ERCC6: variants seen among roughly 807,000 people sequenced by gnomAD.
ERCC6 encodes the protein DNA excision repair protein ERCC-6.
In ERCC6, 116 loss-of-function variants were observed where a neutral mutation model predicts 158.7. The ratio of observed to expected loss-of-function variants is 0.73; its 90% CI spans 0.63 to 0.85. The LOEUF is 0.85. Among genes scored for constraint, ERCC6 ranks in the 40% least tolerant of loss-of-function variants. The probability of loss-of-function intolerance (pLI) is 0.00; values close to 1 mark genes in which losing one functional copy is unlikely to be tolerated. For synonymous variants in ERCC6, 678 were observed against 659.3 expected, an observed-to-expected ratio of 1.03 and a Z score of -0.43; for missense variants, 1,698 against 1,799.4, an observed-to-expected ratio of 0.94 and a Z score of 1.02.
At chr10:49,538,769 G>C (rs1023676879) in intron 1 of ERCC6, among the ~76,000 whole-genome samples, 193 bp downstream of exon 1, 1 of 152,234 alleles carries the variant, frequency 6.6e-6, no homozygotes, top group African/African-American at 2.4e-5. Flanking sequence ...AGCGCTCCTT[G>C]GCGCTACTTC....
intron 1 of ERCC6, among the ~76,000 whole-genome samples, chr10:49,534,717 T>A (rs1011167338): frequency 6.6e-6 from 1 of 152,222 alleles, no homozygotes; most frequent in Non-Finnish European, 1.5e-5. Flanking sequence ...AATAAATATA[T>A]TAAAAAGCAA....
At chr10:49,489,360 C>T (rs925959256) in intron 8 of ERCC6, among the ~76,000 whole-genome samples, 1 of 152,120 alleles carries the variant, frequency 6.6e-6, no homozygotes, top group Non-Finnish European at 1.5e-5. Flanking sequence ...TATTAGGGAC[C>T]ACACTAAGCT....
chr10:49,535,072 T>C (rs1230009823), intron 1 of ERCC6, among the ~76,000 whole-genome samples: 2 of 152,180 alleles, frequency 1.3e-5, no homozygotes, highest in Non-Finnish European at 2.9e-5. Context: ...ACATGGGCCA[T>C]GCATGGTCTG....
intron 6 of ERCC6, chr10:49,501,309 A>C (rs1431503658): frequency 6.5e-6 from 1 of 152,926 alleles, no homozygotes; most frequent in Admixed American, 6.5e-5. Flanking sequence ...CAGATGCAAA[A>C]AAAAGCACAG....
chr10:49,436,381 T>G, the ERCC6 span, among the ~76,000 whole-genome samples: 2 of 152,064 alleles, frequency 1.3e-5, no homozygotes, highest in Non-Finnish European at 2.9e-5. Flanking sequence ...AACAAATAAC[T>G]TAGTGAAACA....
intron 7 of ERCC6, among the ~76,000 whole-genome samples, chr10:49,496,761 T>C (rs983639078): frequency 6.6e-6 from 1 of 152,174 alleles, no homozygotes; most frequent in Admixed American, 6.5e-5. Flanking sequence ...TGAGCTGAGA[T>C]TGTGCCACTG....
chr10:49,482,594 C>T, intron 10 of ERCC6, 93 bp downstream of exon 10: 2 of 1,020,764 alleles, frequency 2.0e-6, no homozygotes, highest in Admixed American at 2.4e-5. Context: ...CCATCTTTCT[C>T]ACATTCTGAA....
At chr10:49,445,569 C>T in the ERCC6 span, among the ~76,000 whole-genome samples, 4 of 152,068 alleles carry the variant, frequency 2.6e-5, no homozygotes. Flanking sequence ...GCTCTTTAGA[C>T]CAACATGACA....
intron 4 of ERCC6, 72 bp downstream of exon 4, chr10:49,528,345 G>C: frequency 6.4e-7 from 1 of 1,556,888 alleles, no homozygotes. Flanking sequence ...AGACTAAAGA[G>C]ACACCCTCCA....
chr10:49,470,601 A>T lies in ERCC6; in HGVS notation c.3359T>A (p.Leu1120Ter). 1 of 1,613,982 alleles carries T rather than the reference A, an allele frequency of 6.2e-7. No individual in the cohort carries two copies. Among genetic ancestry groups the T allele is most frequent in the Non-Finnish European group, 8.5e-7 (1 of 1,179,914 alleles). The change falls in exon 18 of 21, where the codon TTG (leucine) becomes TAG (stop). Residue 1120 changes from leucine to a stop codon, truncating the protein, a stop_gained. Coordinates refer to ENST00000355832, the MANE Select transcript of ERCC6 (RefSeq NM_000124.4). LOFTEE classifies it high-confidence loss of function. ...TTCCCCATTTCCACTAATCACTGAC[A>T]ACTCTTCTGGTCCAGATACTGCATT... ...ETNAVSGPEE[L>*]SVISGNGECS...
the ERCC6 span, among the ~76,000 whole-genome samples, chr10:49,436,712 C>T: frequency 2.0e-5 from 3 of 152,186 alleles, no homozygotes; most frequent in Non-Finnish European, 4.4e-5. Flanking sequence ...ACAATGGATA[C>T]AATTCCATTC....
chr10:49,516,722 T>C, intron 5 of ERCC6: 9 of 1,614,094 alleles, frequency 5.6e-6, no homozygotes, highest in Non-Finnish European at 7.6e-6. Context: ...AATCGTTTGG[T>C]GGTGCTGTAA....
intron 7 of ERCC6, among the ~76,000 whole-genome samples, chr10:49,499,270 T>C (rs1311746002): frequency 1.3e-5 from 2 of 152,220 alleles, no homozygotes; most frequent in Non-Finnish European, 2.9e-5. Context: ...TACATCTATA[T>C]AAATGCAACT....
intron 18 of ERCC6, among the ~76,000 whole-genome samples, chr10:49,463,103 T>C (rs1413756990): frequency 6.6e-6 from 1 of 152,222 alleles, no homozygotes; most frequent in Non-Finnish European, 1.5e-5. Context: ...GCTTCAGATT[T>C]TGCCTTTTTC....
rs55801003 is a variant in ERCC6, at chr10:49,526,117, TTATATATATATATATA to T, written c.653-1356_653-1341del. Among the ~76,000 whole-genome samples the T allele has an allele frequency of 3.0e-4, 13 of 43,592 alleles. 2 individuals carry two copies. Among genetic ancestry groups the T allele is most frequent in the South Asian group, 1.6e-3 (3 of 1,854 alleles). The allele number at this position is 43,592 out of a possible 152,430, so 28.6% of individuals were successfully genotyped here. On this transcript the variant is annotated intron_variant, in intron 4 of 20. Transcript: ENST00000355832. ...TATATATTTATATATTTATATATTT[TTATATATATATATATA>T]TATATATATATATATATATATATAT...
At chr10:49,484,506 G>A (rs570001787) in intron 8 of ERCC6, among the ~76,000 whole-genome samples, 1 of 152,094 alleles carries the variant, frequency 6.6e-6, no homozygotes, top group African/African-American at 2.4e-5. Context: ...TTGGGAGGCT[G>A]AGGGAGGAGA....
At chr10:49,500,916 C>G in intron 6 of ERCC6, 1 of 559,470 alleles carries the variant, frequency 1.8e-6, no homozygotes, top group Non-Finnish European at 3.2e-6. Flanking sequence ...AAAACATTAA[C>G]ACATTTCTAA....
intron 10 of ERCC6, among the ~76,000 whole-genome samples, chr10:49,480,892 A>C (rs1468779834): frequency 1.3e-5 from 2 of 152,230 alleles, no homozygotes; most frequent in African/African-American, 4.8e-5. Flanking sequence ...AAAAATGTCA[A>C]GGTAATGAAG....
At position 49,476,173 on chromosome 10, in the gene ERCC6, T is replaced by A. The variant is rs1850873417; in HGVS notation, c.2382+42A>T. 5.1e-6 allele frequency: 7 copies of A among 1,366,222 alleles called. No homozygotes were observed. The East Asian group carries it at 1.6e-4, about 31-fold the overall frequency. 84.6% of individuals were successfully genotyped at this position (1,366,222 alleles called of 1,614,324 possible). The stretch of plus-strand genomic sequence containing the variant: ...GTTTCTTTTCCTCCCTCACTTCTCT[T>A]GGTCCACAATTCATTTCTCCAGCTT... On this transcript the variant is annotated intron_variant, in intron 12 of 20. Transcript: ENST00000355832.
Sources: allele counts gnomAD v4.1 joint callset (sites outside exome capture counted in the v4.1 genomes callset), GRCh38; gene constraint gnomAD v4.1.1; transcripts MANE v1.5; gene names NCBI Gene and HGNC (gene_info 2026-07-23, HGNC 2026-07-21).